The following ZNF804A variants were observed in gnomAD, a reference collection of about 807,000 sequenced individuals.
ZNF804A encodes zinc finger protein 804A.
Under a neutral mutation model 16.5 loss-of-function variants are expected in ZNF804A, and 2 were observed. The observed-to-expected ratio is 0.12, with a 90% confidence interval of 0.05 to 0.38. The LOEUF (loss-of-function observed/expected upper bound fraction) is 0.38, where lower values mean the gene tolerates loss of function less well. Ranked by LOEUF, ZNF804A falls within the 10% of genes least tolerant of loss-of-function variation. ZNF804A has a pLI of 0.99. For synonymous variants in ZNF804A, 534 were observed against 489.6 expected (o/e 1.09, Z -1.20); for missense variants, 1,473 against 1,390.7 (o/e 1.06, Z -0.94).
At chr2:184,822,179 T>A (rs908176061) in intron 1 of ZNF804A, among the ~76,000 whole-genome samples, 4 of 152,078 alleles carry the variant, frequency 2.6e-5, no homozygotes, top group Non-Finnish European at 5.9e-5. Flanking sequence ...CCATCAATTG[T>A]AGACTGGATA....
chr2:184,605,304 T>G (rs1236613489), intron 1 of ZNF804A, among the ~76,000 whole-genome samples: 4 of 152,134 alleles, frequency 2.6e-5, no homozygotes, highest in Non-Finnish European at 5.9e-5. Flanking sequence ...TATCACATTT[T>G]TATATTGCTA....
Position 184,795,740 on chromosome 2 carries a change from A to T in ZNF804A, c.112-70629A>T, listed in dbSNP as rs533722465. Reference sequence around the variant, plus strand: ...CTCACTAAGAAATGAAACAGGATATATTACAACTAACACTGCTGAAATAAA... The same window carrying T: ...CTCACTAAGAAATGAAACAGGATATTTTACAACTAACACTGCTGAAATAAA... On this transcript the variant is annotated intron_variant, in intron 1 of 3. Transcript: ENST00000302277. Among the ~76,000 whole-genome samples, 200 of 152,118 alleles carry T rather than the reference A, an allele frequency of 1.3e-3. 2 individuals carry two copies. The highest frequency in any genetic ancestry group is 4.4e-3 in the African/African-American group (181 of 41,566).
At chr2:184,859,348 A>G (rs1223634474) in intron 1 of ZNF804A, among the ~76,000 whole-genome samples, 1 of 151,352 alleles carries the variant, frequency 6.6e-6, no homozygotes, top group Non-Finnish European at 1.5e-5. Flanking sequence ...TTTTGAGTTC[A>G]CAGATTTTCT....
intron 1 of ZNF804A, among the ~76,000 whole-genome samples, chr2:184,607,215 CAT>C (rs1691162441): frequency 6.6e-6 from 1 of 152,288 alleles, no homozygotes; most frequent in Admixed American, 6.5e-5. Flanking sequence ...GCTTACCACA[CAT>C]GTTTATTGTA....
chr2:184,759,703 T>C (rs947253979), intron 1 of ZNF804A, among the ~76,000 whole-genome samples: 8 of 151,960 alleles, frequency 5.3e-5, no homozygotes, highest in African/African-American at 1.9e-4. Context: ...CTGAAGTAAC[T>C]GAAGAATCAC....
intron 2 of ZNF804A, among the ~76,000 whole-genome samples, chr2:184,921,685 T>C (rs988005981): frequency 6.6e-6 from 1 of 152,164 alleles, no homozygotes; most frequent in Non-Finnish European, 1.5e-5. Flanking sequence ...TTTTCTGCTA[T>C]AGTCACCTTT....
At chr2:184,844,776 C>T (rs560232959) in intron 1 of ZNF804A, among the ~76,000 whole-genome samples, 24 of 151,798 alleles carry the variant, frequency 1.6e-4, no homozygotes, top group Admixed American at 9.9e-4. Flanking sequence ...TGGGGAAGTC[C>T]GCAGCCATTG....
chr2:184,645,513 T>A (rs1210419059), intron 1 of ZNF804A, among the ~76,000 whole-genome samples: 1 of 152,188 alleles, frequency 6.6e-6, no homozygotes, highest in Non-Finnish European at 1.5e-5. Flanking sequence ...GATATAGCTG[T>A]TTATTATTTT....
At chr2:184,880,205 T>TTTA in intron 2 of ZNF804A, among the ~76,000 whole-genome samples, 1 of 151,982 alleles carries the variant, frequency 6.6e-6, no homozygotes, top group Non-Finnish European at 1.5e-5. Context: ...TAAGAGGTTA[T>TTTA]AAAGGAATGT....
At chr2:184,869,026 G>T (rs1033270089) in intron 2 of ZNF804A, among the ~76,000 whole-genome samples, 1 of 151,910 alleles carries the variant, frequency 6.6e-6, no homozygotes, top group Non-Finnish European at 1.5e-5. Flanking sequence ...CTCTTCGTGC[G>T]CTGAAATGCA....
At chr2:184,859,726 T>A (rs184408237) in intron 1 of ZNF804A, among the ~76,000 whole-genome samples, 4 of 152,318 alleles carry the variant, frequency 2.6e-5, no homozygotes, top group Non-Finnish European at 4.4e-5. Context: ...TTATTCCAGG[T>A]TCTTTGTCTG....
intron 1 of ZNF804A, among the ~76,000 whole-genome samples, chr2:184,719,890 T>G (rs1693278535): frequency 6.6e-6 from 1 of 152,200 alleles, no homozygotes. Context: ...CAAAGTCACT[T>G]CCACATTTTT....
chr2:184,916,323 T>A (rs1685449081), intron 2 of ZNF804A, among the ~76,000 whole-genome samples: 2 of 152,142 alleles, frequency 1.3e-5, no homozygotes, highest in South Asian at 4.1e-4. Context: ...AACAAGGTAA[T>A]TCTTGTTATT....
intron 1 of ZNF804A, among the ~76,000 whole-genome samples, chr2:184,815,735 T>G (rs1694973302): frequency 2.0e-5 from 3 of 152,086 alleles, no homozygotes; most frequent in African/African-American, 7.2e-5. Flanking sequence ...TTATATAAAA[T>G]GAATATACTA....
intron 1 of ZNF804A, among the ~76,000 whole-genome samples, chr2:184,754,995 T>A (rs985983322): frequency 6.6e-6 from 1 of 151,780 alleles, no homozygotes; most frequent in African/African-American, 2.4e-5. Flanking sequence ...GCCCCCATGA[T>A]CAATCACCTC....
At chr2:184,905,055 T>C (rs892816747) in intron 2 of ZNF804A, among the ~76,000 whole-genome samples, 2 of 151,608 alleles carry the variant, frequency 1.3e-5, no homozygotes, top group African/African-American at 2.4e-5. Flanking sequence ...ACTATTTCTA[T>C]GTTGAATCAT....
intron 1 of ZNF804A, among the ~76,000 whole-genome samples, chr2:184,658,803 A>G (rs1692122042): frequency 6.6e-6 from 1 of 152,228 alleles, no homozygotes; most frequent in Non-Finnish European, 1.5e-5. Context: ...GTTATGTTTC[A>G]GGCAAATGTT....
At chr2:184,931,053 T>C (rs1685690546) in intron 2 of ZNF804A, among the ~76,000 whole-genome samples, 4 of 152,196 alleles carry the variant, frequency 2.6e-5, no homozygotes, top group African/African-American at 9.6e-5. Context: ...ATCTTCCCAT[T>C]ATAAAACCAC....
intron 1 of ZNF804A, among the ~76,000 whole-genome samples, chr2:184,831,977 A>T (rs1332570344): frequency 6.6e-6 from 1 of 152,038 alleles, no homozygotes; most frequent in Admixed American, 6.6e-5. Flanking sequence ...CTCTCTTACC[A>T]TATATAGAAA....
Sources: gnomAD v4.1 joint callset for allele counts (sites outside exome capture counted in the v4.1 genomes callset) on GRCh38, gnomAD v4.1.1 for gene constraint, MANE v1.5 for transcripts, NCBI Gene and HGNC (gene_info 2026-07-23, HGNC 2026-07-21) for gene names.